The following FREM2 variants were observed in gnomAD, a reference collection of about 807,000 sequenced individuals.
The protein encoded by FREM2 is FRAS1-related extracellular matrix protein 2.
FREM2 carries 119 observed loss-of-function variants against 219.9 expected under a neutral mutation model. The observed-to-expected ratio is 0.54, with a 90% CI of 0.47 to 0.63. The LOEUF (loss-of-function observed/expected upper bound fraction) is 0.63, where lower values mean the gene tolerates loss of function less well. Ranked by LOEUF, FREM2 falls within the 30% of genes least tolerant of loss-of-function variation. The pLI is 0.00. For missense variants in FREM2, 4,030 were observed against 3,993.6 expected (o/e 1.01, Z -0.25); for synonymous variants, 1,562 against 1,522.8 (o/e 1.03, Z -0.60).
At chr13:38,740,074 A>G (rs1252474470) in intron 2 of FREM2, among the ~76,000 whole-genome samples, 1 of 73,460 alleles carries the variant, frequency 1.4e-5, no homozygotes, top group African/African-American at 5.2e-5. Context: ...CAAAAATTTC[A>G]TATTTTACAA....
At chr13:38,805,490 C>T (rs1459575965) in intron 6 of FREM2, among the ~76,000 whole-genome samples, 4 of 152,008 alleles carry the variant, frequency 2.6e-5, no homozygotes, top group Admixed American at 2.6e-4. Flanking sequence ...GAGCTACCTG[C>T]AGGGCATGCA....
intron 6 of FREM2, 95 bp from the exon 7 acceptor site, chr13:38,846,478 T>C: frequency 4.6e-6 from 6 of 1,316,324 alleles, no homozygotes; most frequent in Non-Finnish European, 6.5e-6. Context: ...AGGAAGTCCC[T>C]AAGAGGAAGC....
In FREM2 at chr13:38,769,812, A is replaced by T; in HGVS notation, c.5641+4A>T. On this transcript the variant is annotated splice_donor_region_variant and intron_variant, in intron 4 of 23. Transcript: ENST00000280481. ...GAGATCGTTGATCCAGGAGATGGTAAGAGCCATCGTCAACTGGTTTATGTT... is the reference window on the plus strand; with the variant it reads ...GAGATCGTTGATCCAGGAGATGGTATGAGCCATCGTCAACTGGTTTATGTT... The T allele has an allele frequency of 6.2e-7, 1 of 1,608,328 alleles. No homozygotes were observed. The highest frequency in any genetic ancestry group is 8.5e-7 in the Non-Finnish European group (1 of 1,174,766).
rs753095824 is a variant in FREM2 at position 38,688,897 on chromosome 13, T to C, written c.1553T>C (p.Val518Ala). 3.7e-6 allele frequency: 6 copies of C among 1,612,688 alleles called. No individual in the cohort carries two copies. In the South Asian group the frequency reaches 6.6e-5, roughly 18 times the overall value. ...TVAELAAGQV[V>A]YQHDDRDGSL... is the part of the protein sequence containing the mutation. ...GCTGAGCTGGCAGCCGGCCAGGTGG[T>C]CTACCAGCATGATGACAGAGACGGC... is the stretch of plus-strand genomic sequence containing the variant. Residue 518 changes from valine to alanine, a missense_variant, in exon 1 of 24, where the codon GTC (valine) becomes GCC (alanine). By Grantham distance (64) the Val-to-Ala change is moderately conservative. Transcript: ENST00000280481.
At chr13:38,753,554 A>G (rs1593385839) in intron 2 of FREM2, among the ~76,000 whole-genome samples, 3 of 152,342 alleles carry the variant, frequency 2.0e-5, no homozygotes, top group Admixed American at 2.0e-4. Flanking sequence ...TTGTGTTCTT[A>G]TTTAGAATAC....
rs1465410797 is a variant in FREM2 at position 38,687,199 on chromosome 13, C to A, written c.-146C>A. The stretch of plus-strand genomic sequence containing the variant: ...GGACGGCGCCGCGCAACTTTGCCAT[C>A]CTTCTGGCCCAGCCCCGGCTACAGG... On this transcript the variant is annotated 5_prime_UTR_variant, in exon 1 of 24. Transcript: ENST00000280481. 6 of 1,173,560 alleles carry A rather than the reference C, an allele frequency of 5.1e-6. No individual in the cohort carries two copies. The highest frequency in any genetic ancestry group is 7.2e-6 in the Non-Finnish European group (6 of 827,702). 72.7% of individuals were successfully genotyped at this position (1,173,560 alleles called of 1,614,324 possible).
intron 4 of FREM2, among the ~76,000 whole-genome samples, chr13:38,777,773 TATCAG>T (rs1873933448): frequency 6.6e-6 from 1 of 152,198 alleles, no homozygotes; most frequent in African/African-American, 2.4e-5. Context: ...CAGAAAAATC[TATCAG>T]GGAAGCCTTT....
intron 6 of FREM2, among the ~76,000 whole-genome samples, chr13:38,828,912 T>C (rs1011424935): frequency 5.9e-5 from 9 of 152,114 alleles, no homozygotes; most frequent in African/African-American, 2.2e-4. Context: ...ATAAGTGCTG[T>C]AGTACATATC....
chr13:38,793,534 G>A (rs1408269771), intron 6 of FREM2, among the ~76,000 whole-genome samples: 2 of 152,170 alleles, frequency 1.3e-5, no homozygotes, highest in Non-Finnish European at 2.9e-5. Flanking sequence ...GGAGAGGTGG[G>A]CGAGGAGTCA....
intron 6 of FREM2, among the ~76,000 whole-genome samples, chr13:38,786,320 GA>G (rs1445319409): frequency 2.0e-5 from 3 of 152,048 alleles, no homozygotes; most frequent in African/African-American, 7.2e-5. Context: ...GAAAATGTTT[GA>G]AAACACGAAA....
At chr13:38,765,111 C>T (rs1419459410) in intron 3 of FREM2, among the ~76,000 whole-genome samples, 5 of 152,100 alleles carry the variant, frequency 3.3e-5, no homozygotes, top group African/African-American at 1.2e-4. Flanking sequence ...GGGGTTTCAC[C>T]GTGTTAGCCA....
chr13:38,694,415 C>T (rs1278904032), intron 1 of FREM2, among the ~76,000 whole-genome samples: 1 of 152,090 alleles, frequency 6.6e-6, no homozygotes, highest in Non-Finnish European at 1.5e-5. Flanking sequence ...GACTTTGATC[C>T]GTAGCTGTTA....
chr13:38,734,006 C>G (rs1460245334), intron 2 of FREM2, among the ~76,000 whole-genome samples: 1 of 151,772 alleles, frequency 6.6e-6, no homozygotes, highest in Non-Finnish European at 1.5e-5. Context: ...TTAGAAAGCC[C>G]AAATAAATAG....
chr13:38,886,687 A>T lies in FREM2; in HGVS notation c.*5900A>T, dbSNP rs1593465545. 6.6e-6 allele frequency: 1 copy of T among 152,214 alleles called. No homozygotes were observed. Among genetic ancestry groups the T allele is most frequent in the East Asian group, 1.9e-4 (1 of 5,200 alleles). 9.4% of individuals were successfully genotyped at this position (152,214 alleles called of 1,614,324 possible). A position where few individuals can be genotyped will look rare whatever the true frequency, so the allele number is the denominator to read the frequency against. ...TACTGGAATTACAATGGCGTGAGCC[A>T]CCACAAGATATTTTTAAAGCCCATT... On this transcript the variant is annotated 3_prime_UTR_variant, in exon 24 of 24. Coordinates refer to ENST00000280481, the MANE Select transcript of FREM2 (RefSeq NM_207361.6).
rs1412201390 is a variant in FREM2 at position 38,882,283 on chromosome 13, C to T, written c.*1496C>T. The T allele has an allele frequency of 6.6e-6, 1 of 152,168 alleles. No homozygotes were observed. The highest frequency in any genetic ancestry group is 1.9e-4 in the East Asian group (1 of 5,188). The allele number at this position is 152,168 out of a possible 1,614,324, so 9.4% of individuals were successfully genotyped here. The stretch of plus-strand genomic sequence containing the variant: ...AAAAGAATAATGCCTACAGATTATC[C>T]TTCAGATGCTGGCTAGAATCCCCTT... On this transcript the variant is annotated 3_prime_UTR_variant, in exon 24 of 24. Coordinates refer to ENST00000280481, the MANE Select transcript of FREM2 (RefSeq NM_207361.6).
intron 2 of FREM2, 115 bp downstream of exon 2, chr13:38,697,902 T>C (rs2138079565): frequency 1.4e-6 from 1 of 723,338 alleles, no homozygotes; most frequent in East Asian, 2.7e-5. Flanking sequence ...ATCACCTAAA[T>C]TTAACCTGGT....
intron 16 of FREM2, among the ~76,000 whole-genome samples, chr13:38,867,812 A>G (rs1405886962): frequency 1.3e-5 from 2 of 152,148 alleles, no homozygotes; most frequent in Admixed American, 6.5e-5. Flanking sequence ...GATAAGTACT[A>G]TTTTTGTCCT....
At chr13:38,865,880 G>A (rs1456050971) in intron 16 of FREM2, among the ~76,000 whole-genome samples, 2 of 152,152 alleles carry the variant, frequency 1.3e-5, no homozygotes, top group African/African-American at 2.4e-5. Flanking sequence ...ACTTAAACAC[G>A]TATAAGTGTT....
Position 38,786,675 on chromosome 13 carries a change from G to GT in FREM2, c.6019+1875dup, listed in dbSNP as rs202053878. On this transcript the variant is annotated intron_variant, in intron 6 of 23. Transcript: ENST00000280481. ...ATTCATGTTTACTTTAGTTCAGTTT[G>GT]TTTTTTTTGGCAAAAAAATCTTTCC... is the stretch of plus-strand genomic sequence containing the variant. Among the ~76,000 whole-genome samples the GT allele has an allele frequency of 2.6e-3, 396 of 151,698 alleles. 5 individuals are homozygous for GT. Among genetic ancestry groups the GT allele is most frequent in the East Asian group, 0.024 (124 of 5,158 alleles).
Sources: gnomAD v4.1 joint callset for allele counts (sites outside exome capture counted in the v4.1 genomes callset) on GRCh38, gnomAD v4.1.1 for gene constraint, MANE v1.5 for transcripts, NCBI Gene and HGNC (gene_info 2026-07-23, HGNC 2026-07-21) for gene names.